CPNE4: variants seen among roughly 807,000 people sequenced by gnomAD.
The protein encoded by CPNE4 is copine 4.
In CPNE4, 25 loss-of-function variants were observed where a neutral mutation model predicts 67.9. That is an observed-to-expected ratio of 0.37 (90% CI 0.27 to 0.51). The LOEUF is 0.51. Ranked by LOEUF, CPNE4 falls within the 20% of genes least tolerant of loss-of-function variation. CPNE4 has a pLI of 0.93. For missense variants in CPNE4, 464 were observed against 690.8 expected (o/e 0.67, Z 3.68); for synonymous variants, 242 against 244.9 (o/e 0.99, Z 0.11).
chr3:131,738,132 A>G (rs2082281030), intron 2 of CPNE4, among the ~76,000 whole-genome samples: 1 of 152,228 alleles, frequency 6.6e-6, no homozygotes, highest in Non-Finnish European at 1.5e-5. Context: ...CAGGATAGAT[A>G]TTCTGTGTGG....
chr3:131,588,190 C>T (rs2107702572), intron 7 of CPNE4, among the ~76,000 whole-genome samples: 1 of 152,096 alleles, frequency 6.6e-6, no homozygotes, highest in African/African-American at 2.4e-5. Flanking sequence ...CAGATATTTA[C>T]CACACTGGTA....
chr3:131,681,880 C>A (rs1448219837), intron 6 of CPNE4, among the ~76,000 whole-genome samples: 1 of 151,788 alleles, frequency 6.6e-6, no homozygotes, highest in East Asian at 1.9e-4. Context: ...CAAGCTAATT[C>A]TTTCTTCTGC....
rs772673722 is a variant in CPNE4, at chr3:131,696,500, C to T, written c.507+42G>A. ...GAAATCTGATTAAACTGTGTGCTAG[C>T]TTTGTTACTTCCTTCAATAAGGTTA... On this transcript the variant is annotated intron_variant, in intron 5 of 15. Coordinates refer to ENST00000429747, the MANE Select transcript of CPNE4 (RefSeq NM_130808.3). 118 of 1,564,246 alleles carry T rather than the reference C, an allele frequency of 7.5e-5. 1 individual carries two copies. Among genetic ancestry groups the T allele is most frequent in the Non-Finnish European group, 6.1e-5 (69 of 1,135,744 alleles).
intron 3 of CPNE4, among the ~76,000 whole-genome samples, chr3:131,705,902 A>G (rs2081404227): frequency 6.6e-6 from 1 of 152,148 alleles, no homozygotes; most frequent in Non-Finnish European, 1.5e-5. Context: ...CCTTGTCATC[A>G]TTACAAATGA....
chr3:131,642,556 C>T (rs1259831774), intron 7 of CPNE4, among the ~76,000 whole-genome samples: 1 of 152,122 alleles, frequency 6.6e-6, no homozygotes, highest in Non-Finnish European at 1.5e-5. Context: ...GGCAGTTTCC[C>T]CACTCAAATG....
At position 131,852,743 on chromosome 3, in the gene CPNE4, C is replaced by T. The variant is rs973408248; in HGVS notation, c.180+52521G>A. ...CAATATTATTTTGTACTCAGAAAGT[C>T]CCATAGAATCTAAAACAAATAAAAC... On this transcript the variant is annotated intron_variant, in intron 2 of 15. Coordinates refer to ENST00000429747, the MANE Select transcript of CPNE4 (RefSeq NM_130808.3). Among the ~76,000 whole-genome samples the T allele has an allele frequency of 1.1e-4, 17 of 151,424 alleles. No homozygotes were observed. The Admixed American group carries it at 1.1e-3, about 10-fold the overall frequency.
At chr3:132,013,799 A>T (rs947693318) in intron 1 of CPNE4, among the ~76,000 whole-genome samples, 24 of 152,212 alleles carry the variant, frequency 1.6e-4, no homozygotes, top group Admixed American at 1.2e-3. Context: ...AAATAGTGGC[A>T]CTGGGACACA....
intron 1 of CPNE4, among the ~76,000 whole-genome samples, chr3:131,999,463 C>T (rs538271688): frequency 6.6e-6 from 1 of 152,036 alleles, no homozygotes; most frequent in South Asian, 2.1e-4. Flanking sequence ...AGAGTACATA[C>T]TATATGTTTC....
At chr3:131,722,169 T>C (rs761402859) in intron 3 of CPNE4, among the ~76,000 whole-genome samples, 5 of 152,136 alleles carry the variant, frequency 3.3e-5, no homozygotes, top group Admixed American at 6.5e-5. Context: ...AACAAGCAAA[T>C]ATATATGCTT....
chr3:131,563,170 A>G (rs1936875470), intron 11 of CPNE4, among the ~76,000 whole-genome samples: 1 of 152,040 alleles, frequency 6.6e-6, no homozygotes, highest in African/African-American at 2.4e-5. Context: ...ATTATCACCA[A>G]TTATGACACT....
At chr3:131,886,845 T>C (rs1418049733) in intron 2 of CPNE4, among the ~76,000 whole-genome samples, 1 of 152,234 alleles carries the variant, frequency 6.6e-6, no homozygotes, top group Non-Finnish European at 1.5e-5. Flanking sequence ...TACCCAATGT[T>C]TGTACCCCCA....
chr3:131,739,827 T>C (rs1458354402), intron 2 of CPNE4, among the ~76,000 whole-genome samples: 2 of 152,266 alleles, frequency 1.3e-5, no homozygotes, highest in African/African-American at 4.8e-5. Context: ...TCACACATTT[T>C]GCTCCTGGCA....
chr3:131,916,002 A>G (rs2089167491), intron 1 of CPNE4, among the ~76,000 whole-genome samples: 1 of 152,236 alleles, frequency 6.6e-6, no homozygotes, highest in Non-Finnish European at 1.5e-5. Flanking sequence ...AAATGCTGAC[A>G]GAAAGTTTTA....
intron 3 of CPNE4, among the ~76,000 whole-genome samples, chr3:131,708,688 G>A (rs2081475268): frequency 2.6e-5 from 4 of 152,092 alleles, no homozygotes; most frequent in South Asian, 4.2e-4. Context: ...TGGGGATGGC[G>A]AAGGCTCTGT....
intron 1 of CPNE4, among the ~76,000 whole-genome samples, chr3:132,031,918 G>A (rs9857169): frequency 2.0e-5 from 3 of 151,864 alleles, no homozygotes; most frequent in African/African-American, 7.2e-5. Context: ...TTTTTCTATT[G>A]TTTTGGAATA....
At chr3:131,928,000 C>A (rs1185257336) in intron 1 of CPNE4, among the ~76,000 whole-genome samples, 1 of 152,096 alleles carries the variant, frequency 6.6e-6, no homozygotes, top group Non-Finnish European at 1.5e-5. Flanking sequence ...AAATACACCA[C>A]AATGTTAATG....
chr3:132,035,743 G>C (rs1432277592), upstream of CPNE4, among the ~76,000 whole-genome samples: 1 of 152,148 alleles, frequency 6.6e-6, no homozygotes, highest in Non-Finnish European at 1.5e-5. Context: ...TGCTACCATA[G>C]ACAAACTAGA....
At chr3:131,759,315 TGAACCCTCATCA>T (rs1304207073) in intron 2 of CPNE4, among the ~76,000 whole-genome samples, 1 of 152,140 alleles carries the variant, frequency 6.6e-6, no homozygotes, top group Non-Finnish European at 1.5e-5. Flanking sequence ...TCTGCCAGTG[TGAACCCTCATCA>T]GAATCCTCAT....
At chr3:131,956,580 T>C (rs2071980100) in intron 1 of CPNE4, among the ~76,000 whole-genome samples, 2 of 135,404 alleles carry the variant, frequency 1.5e-5, no homozygotes, top group Admixed American at 8.4e-5. Context: ...CATAAATGTA[T>C]AGAAAAATGT....
Sources: gnomAD v4.1 joint callset for allele counts (sites outside exome capture counted in the v4.1 genomes callset) on GRCh38, gnomAD v4.1.1 for gene constraint, MANE v1.5 for transcripts, NCBI Gene and HGNC (gene_info 2026-07-23, HGNC 2026-07-21) for gene names.